The following COL24A1 variants were observed in gnomAD, a reference collection of about 807,000 sequenced individuals.
COL24A1 encodes the protein collagen type XXIV alpha 1 chain.
In COL24A1, 224 loss-of-function variants were observed where a neutral mutation model predicts 253.9. The observed-to-expected ratio is 0.88, with a 90% confidence interval of 0.79 to 0.99. COL24A1 has a LOEUF of 0.99. Among genes scored for constraint, COL24A1 ranks in the 50% least tolerant of loss-of-function variants. The pLI is 0.00. For synonymous variants in COL24A1, 685 were observed against 673.7 expected, an observed-to-expected ratio of 1.02 and a Z score of -0.26; for missense variants, 2,131 against 2,068.5, an observed-to-expected ratio of 1.03 and a Z score of -0.59.
intron 32 of COL24A1, among the ~76,000 whole-genome samples, chr1:85,879,526 C>A (rs1681582295): frequency 6.6e-6 from 1 of 152,132 alleles, no homozygotes. Flanking sequence ...GTTACAGTGC[C>A]AACCTCCTGC....
At position 85,911,423 on chromosome 1, in the gene COL24A1, C is replaced by A; in HGVS notation, c.2573G>T (p.Gly858Val). The A allele has an allele frequency of 6.2e-7, 1 of 1,612,050 alleles. No individual in the cohort carries two copies. The highest frequency in any genetic ancestry group is 1.1e-5 in the South Asian group (1 of 90,780). The change falls in exon 25 of 60, where the codon GGC becomes GTC. Residue 858 changes from glycine to valine, a missense_variant. Coordinates refer to ENST00000370571, the MANE Select transcript of COL24A1 (RefSeq NM_152890.7). ...IGKIGETGPV[G>V]LPGEVGMTGS... ...AGTCATCCCAACTTCTCCAGGTAAG[C>A]CAACAGGTCCCTTTTAGGAAAAAAA...
chr1:86,085,980 T>C (rs1703034014), intron 7 of COL24A1, among the ~76,000 whole-genome samples: 1 of 152,218 alleles, frequency 6.6e-6, no homozygotes, highest in African/African-American at 2.4e-5. Context: ...TCAAGACTTT[T>C]TTTTTACATT....
rs10526604 is a variant in COL24A1, at chr1:85,906,264, C to CTTTTTTTTTTTTTTTTTTTTTTTTTTTTT, written c.2778+929_2778+930insAAAAAAAAAAAAAAAAAAAAAAAAAAAAA. Among the ~76,000 whole-genome samples the CTTTTTTTTTTTTTTTTTTTTTTTTTTTTT allele has an allele frequency of 1.4e-3, 110 of 77,840 alleles. 30 individuals carry two copies. Among genetic ancestry groups the CTTTTTTTTTTTTTTTTTTTTTTTTTTTTT allele is most frequent in the African/African-American group, 4.9e-3 (95 of 19,408 alleles). The allele number at this position is 77,840 out of a possible 152,430, so 51.1% of individuals were successfully genotyped here. On this transcript the variant is annotated intron_variant, in intron 28 of 59. Transcript: ENST00000370571. Reference sequence around the variant, plus strand: ...TTTGCCAACTGGAAAACTGCAAGGTCTTTTTTTTTTTTTACCATGGTTAGG... The same window carrying CTTTTTTTTTTTTTTTTTTTTTTTTTTTTT: ...TTTGCCAACTGGAAAACTGCAAGGTCTTTTTTTTTTTTTTTTTTTTTTTTTTTTTTTTTTTTTTTTTTACCATGGTTAGG...
rs1334082622 is a variant in COL24A1 at position 85,855,214 on chromosome 1, C to A, written c.3301-5808G>T. Among the ~76,000 whole-genome samples, 3 of 151,896 alleles carry A rather than the reference C, an allele frequency of 2.0e-5. No homozygotes were observed. The East Asian group carries it at 5.8e-4, about 29-fold the overall frequency. On this transcript the variant is annotated intron_variant, in intron 37 of 59. Transcript: ENST00000370571. Reference sequence around the variant, plus strand: ...GACTTCCTCTTTTCCTATTTGGATGCCTTTTATTTCTTTCTTTTGTCTGAC... The same window carrying A: ...GACTTCCTCTTTTCCTATTTGGATGACTTTTATTTCTTTCTTTTGTCTGAC...
chr1:85,932,340 T>G (rs548274547), intron 24 of COL24A1, among the ~76,000 whole-genome samples: 1 of 70,794 alleles, frequency 1.4e-5, no homozygotes. Context: ...GAAGAAATGC[T>G]CATCATCACT....
intron 47 of COL24A1, among the ~76,000 whole-genome samples, chr1:85,793,290 A>T (rs1253425172): frequency 6.6e-6 from 1 of 152,282 alleles, no homozygotes; most frequent in East Asian, 1.9e-4. Context: ...ATATAGGTTC[A>T]TGTTCCTCAG....
chr1:86,042,743 G>A (rs1366380643), intron 12 of COL24A1, among the ~76,000 whole-genome samples: 1 of 152,098 alleles, frequency 6.6e-6, no homozygotes, highest in Admixed American at 6.6e-5. Flanking sequence ...AGGGAAATAA[G>A]TGATCATTTG....
intron 30 of COL24A1, 43 bp downstream of exon 30, chr1:85,895,978 A>T: frequency 1.3e-6 from 2 of 1,598,844 alleles, no homozygotes; most frequent in South Asian, 1.1e-5. Context: ...AACAAAAAAG[A>T]CTTAAAATGT....
At position 85,963,918 on chromosome 1, in the gene COL24A1, G is replaced by A. The variant is rs192036195; in HGVS notation, c.2517+1091C>T. On this transcript the variant is annotated intron_variant, in intron 23 of 59. Transcript: ENST00000370571. ...GGAGAATTGATTAAGCCTTTTGTTT[G>A]TAAATACTACAATCCTATTTTTCAG... Among the ~76,000 whole-genome samples the A allele has an allele frequency of 2.0e-4, 31 of 151,448 alleles. No individual in the cohort carries two copies. The East Asian group carries it at 5.6e-3, about 27-fold the overall frequency.
At chr1:85,989,077 T>C (rs1192534753) in intron 19 of COL24A1, among the ~76,000 whole-genome samples, 1 of 152,156 alleles carries the variant, frequency 6.6e-6, no homozygotes, top group African/African-American at 2.4e-5. Context: ...CCTGATAATT[T>C]TACACCCTTT....
chr1:85,822,546 C>T (rs1290810175), intron 45 of COL24A1, among the ~76,000 whole-genome samples: 3 of 152,116 alleles, frequency 2.0e-5, no homozygotes, highest in Non-Finnish European at 4.4e-5. Context: ...ATTCAGTAAA[C>T]CAACAGATTT....
intron 7 of COL24A1, among the ~76,000 whole-genome samples, chr1:86,077,985 T>TA (rs1202606490): frequency 1.3e-5 from 2 of 151,822 alleles, no homozygotes; most frequent in Non-Finnish European, 2.9e-5. Context: ...AGTATAATTT[T>TA]AAAAAAATTA....
At chr1:85,865,331 G>GA (rs1378481696) in intron 37 of COL24A1, among the ~76,000 whole-genome samples, 1 of 151,900 alleles carries the variant, frequency 6.6e-6, no homozygotes, top group African/African-American at 2.4e-5. Flanking sequence ...AAATTCTTTT[G>GA]AAAAAATATG....
chr1:86,046,322 C>G (rs565462363), intron 12 of COL24A1, among the ~76,000 whole-genome samples: 41 of 152,276 alleles, frequency 2.7e-4, no homozygotes, highest in African/African-American at 9.1e-4. Context: ...GATGATGTCA[C>G]AATTTCCTCC....
intron 47 of COL24A1, 136 bp from the exon 48 acceptor site, chr1:85,786,597 T>C: frequency 1.9e-6 from 1 of 527,208 alleles, no homozygotes; most frequent in South Asian, 5.2e-5. Flanking sequence ...CTGGGCTTCT[T>C]TCCCAGAAGA....
At chr1:85,863,406 G>T (rs1336663545) in intron 37 of COL24A1, among the ~76,000 whole-genome samples, 4 of 152,034 alleles carry the variant, frequency 2.6e-5, no homozygotes, top group African/African-American at 9.7e-5. Flanking sequence ...GTTTTCAAAG[G>T]GAATGCTAGA....
In COL24A1 at chr1:85,807,188, A is replaced by G. The variant is rs1442775359; in HGVS notation, c.3951+9600T>C. Among the ~76,000 whole-genome samples the G allele has an allele frequency of 5.3e-5, 8 of 152,352 alleles. No individual in the cohort carries two copies. The South Asian group carries it at 1.7e-3, about 32-fold the overall frequency. On this transcript the variant is annotated intron_variant, in intron 47 of 59. Transcript: ENST00000370571. Reference sequence around the variant, plus strand: ...AAGCCTGGACTCGATTGTGGCCTACAGTCAATGAGGTTGAAATGCTATAAC... The same window carrying G: ...AAGCCTGGACTCGATTGTGGCCTACGGTCAATGAGGTTGAAATGCTATAAC...
chr1:85,766,997 A>G (rs923922434), intron 53 of COL24A1, among the ~76,000 whole-genome samples: 2 of 151,932 alleles, frequency 1.3e-5, no homozygotes, highest in African/African-American at 4.8e-5. Flanking sequence ...CCAGCTACTC[A>G]GGAGGCCGAG....
At chr1:85,827,226 A>T (rs1319567503) in intron 43 of COL24A1, among the ~76,000 whole-genome samples, 1 of 151,888 alleles carries the variant, frequency 6.6e-6, no homozygotes, top group East Asian at 1.9e-4. Flanking sequence ...GGTGGATTAC[A>T]TTTATTGAAT....
Sources: allele counts gnomAD v4.1 joint callset (sites outside exome capture counted in the v4.1 genomes callset), GRCh38; gene constraint gnomAD v4.1.1; transcripts MANE v1.5; gene names NCBI Gene and HGNC (gene_info 2026-07-23, HGNC 2026-07-21).